The following BMERB1 variants were observed in gnomAD, a reference collection of about 807,000 sequenced individuals.
BMERB1 encodes the protein bMERB domain-containing protein 1.
In BMERB1, 12 loss-of-function variants were observed where a neutral mutation model predicts 23.6. The observed-to-expected ratio is 0.51, with a 90% CI of 0.33 to 0.82. The LOEUF (loss-of-function observed/expected upper bound fraction) is 0.82, where lower values mean the gene tolerates loss of function less well. BMERB1 is among the 40% of genes least tolerant of loss of function. BMERB1 has a pLI of 0.03. For synonymous variants in BMERB1, 122 were observed against 96.6 expected (o/e 1.26, Z -1.54); for missense variants, 247 against 255.4 (o/e 0.97, Z 0.22).
At chr16:15,490,054 C>CG (rs2051406875) in intron 1 of BMERB1, among the ~76,000 whole-genome samples, 1 of 151,964 alleles carries the variant, frequency 6.6e-6, no homozygotes. Context: ...TTTGTAGAGA[C>CG]GGAGTTTCAC....
chr16:15,448,044 C>T, intron 1 of BMERB1: 1 of 388,802 alleles, frequency 2.6e-6, no homozygotes, highest in South Asian at 1.9e-5. Context: ...TACCCGCCAC[C>T]ATGCCCAGCT....
At chr16:15,435,199 T>C (rs1245141763) in intron 1 of BMERB1, among the ~76,000 whole-genome samples, 3 of 152,196 alleles carry the variant, frequency 2.0e-5, no homozygotes, top group Non-Finnish European at 4.4e-5. Context: ...TTCCGCTTGC[T>C]TTCCTACCCC....
intron 1 of BMERB1, among the ~76,000 whole-genome samples, chr16:15,492,465 C>T (rs1048742758): frequency 6.6e-6 from 1 of 152,180 alleles, no homozygotes. Flanking sequence ...ACTCCCTACC[C>T]TATAAGTGTG....
intron 3 of BMERB1, among the ~76,000 whole-genome samples, chr16:15,578,636 G>A (rs1253023870): frequency 1.3e-5 from 2 of 152,082 alleles, no homozygotes; most frequent in African/African-American, 2.4e-5. Context: ...GAGGCTGGGA[G>A]GTGCAAGATC....
intron 1 of BMERB1, 67 bp downstream of exon 1, chr16:15,434,826 C>T (rs2050873061): frequency 1.5e-6 from 2 of 1,378,682 alleles, no homozygotes; most frequent in Non-Finnish European, 2.0e-6. Flanking sequence ...CGCGGGTGGT[C>T]GCGGGAGCGC....
intron 1 of BMERB1, among the ~76,000 whole-genome samples, chr16:15,504,340 G>C (rs538635045): frequency 6.6e-6 from 1 of 152,144 alleles, no homozygotes; most frequent in East Asian, 1.9e-4. Flanking sequence ...AATGAATATA[G>C]TTAATAACAA....
rs578086268 is a variant in BMERB1 at position 15,488,770 on chromosome 16, A to G, written c.107-26535A>G. On this transcript the variant is annotated intron_variant, in intron 1 of 5. Transcript: ENST00000300006. ...AGGCAGGAGAATGGCGTGAACCGAG[A>G]TCGCGCCACTGCACTCCAGCCTGGG... Among the ~76,000 whole-genome samples, 300 of 150,616 alleles carry G rather than the reference A, an allele frequency of 2.0e-3. 1 individual carries two copies. The highest frequency in any genetic ancestry group is 6.9e-3 in the African/African-American group (282 of 41,076).
At chr16:15,558,669 A>G (rs1598519560) in intron 2 of BMERB1, among the ~76,000 whole-genome samples, 1 of 152,150 alleles carries the variant, frequency 6.6e-6, no homozygotes, top group African/African-American at 2.4e-5. Flanking sequence ...TATGACATAT[A>G]TGTACCATAA....
chr16:15,576,722 C>T (rs1335431185), intron 3 of BMERB1, among the ~76,000 whole-genome samples: 1 of 147,494 alleles, frequency 6.8e-6, no homozygotes, highest in Non-Finnish European at 1.5e-5. Flanking sequence ...AGAGGAGACT[C>T]CTTTGCCTCT....
In BMERB1 at chr16:15,493,245, G is replaced by A. The variant is rs1218013133; in HGVS notation, c.107-22060G>A. Among the ~76,000 whole-genome samples the A allele has an allele frequency of 4.6e-5, 7 of 151,964 alleles. No homozygotes were observed. The East Asian group carries it at 9.8e-4, about 21-fold the overall frequency. ...TGCATGCCTGTACTGCCCCCTACTC[G>A]GGAGGCTGAGGCAGGAGAATCGCTT... On this transcript the variant is annotated intron_variant, in intron 1 of 5. Transcript: ENST00000300006.
At chr16:15,454,353 G>A (rs1305452774) in intron 1 of BMERB1, among the ~76,000 whole-genome samples, 3 of 152,234 alleles carry the variant, frequency 2.0e-5, no homozygotes, top group Admixed American at 2.0e-4. Context: ...GAAGGAAACC[G>A]AGGCAGTGTT....
intron 1 of BMERB1, among the ~76,000 whole-genome samples, chr16:15,463,834 A>G (rs965841687): frequency 6.6e-6 from 1 of 151,736 alleles, no homozygotes; most frequent in African/African-American, 2.4e-5. Flanking sequence ...GGGATGCCTC[A>G]GCATCATCAA....
intron 1 of BMERB1, among the ~76,000 whole-genome samples, chr16:15,506,594 T>C (rs960237252): frequency 1.3e-5 from 2 of 152,076 alleles, no homozygotes; most frequent in African/African-American, 4.8e-5. Flanking sequence ...TCACTATATG[T>C]GGACAATGAG....
chr16:15,581,044 G>A (rs2031001613), intron 3 of BMERB1, among the ~76,000 whole-genome samples, 173 bp from the exon 4 acceptor site: 2 of 152,036 alleles, frequency 1.3e-5, no homozygotes. Context: ...CTCCCGAGTA[G>A]CTGGAATTCC....
intron 2 of BMERB1, among the ~76,000 whole-genome samples, chr16:15,522,446 C>T (rs1021394221): frequency 7.2e-5 from 11 of 152,174 alleles, no homozygotes; most frequent in African/African-American, 2.4e-4. Context: ...CACACACACA[C>T]ACACACACGG....
chr16:15,492,919 A>AAAAAAAAAG, intron 1 of BMERB1, among the ~76,000 whole-genome samples: 1 of 150,894 alleles, frequency 6.6e-6, no homozygotes, highest in South Asian at 2.1e-4. Flanking sequence ...ATTCCATCTC[A>AAAAAAAAAG]AAAAAAAAGA....
At chr16:15,448,038 C>A in intron 1 of BMERB1, 1 of 396,754 alleles carries the variant, frequency 2.5e-6, no homozygotes, top group Non-Finnish European at 5.0e-6. Context: ...TACAGGTACC[C>A]GCCACCATGC....
At chr16:15,486,843 AC>A (rs2051373143) in intron 1 of BMERB1, among the ~76,000 whole-genome samples, 2 of 152,176 alleles carry the variant, frequency 1.3e-5, no homozygotes, top group Non-Finnish European at 1.5e-5. Flanking sequence ...AAATTACTTA[AC>A]CTGTCTCTGT....
rs555200569 is a variant in BMERB1, at chr16:15,468,414, G to A, written c.106+33655G>A. Among the ~76,000 whole-genome samples, 9 of 151,720 alleles carry A rather than the reference G, an allele frequency of 5.9e-5. No individual in the cohort carries two copies. The South Asian group carries it at 1.7e-3, about 28-fold the overall frequency. On this transcript the variant is annotated intron_variant, in intron 1 of 5. Transcript: ENST00000300006. ...ACCCACTTGTCTTCCCAAAGTGCTG[G>A]GATTACAGGCATGAGCCACCACACC...
Sources: allele counts gnomAD v4.1 joint callset (sites outside exome capture counted in the v4.1 genomes callset), GRCh38; gene constraint gnomAD v4.1.1; transcripts MANE v1.5; gene names NCBI Gene and HGNC (gene_info 2026-07-23, HGNC 2026-07-21).